Variants in RBM6 observed in about 807,000 individuals in gnomAD.
The protein encoded by RBM6 is RNA binding motif protein 6.
A neutral mutation model predicts 140.4 loss-of-function variants in RBM6; 23 were observed. The observed-to-expected ratio is 0.16, with a 90% CI of 0.12 to 0.23. The LOEUF is 0.23. Among genes scored for constraint, RBM6 ranks in the 10% least tolerant of loss-of-function variants. The pLI, the probability that RBM6 is intolerant of heterozygous loss-of-function variation, is 1.00. For missense variants in RBM6, 1,139 were observed against 1,386.7 expected (o/e 0.82, Z 2.84); for synonymous variants, 439 against 475.6 (o/e 0.92, Z 1.00).
rs181953143 is a variant in RBM6, at chr3:50,036,635, A to G, written c.1558-11610A>G. The stretch of plus-strand genomic sequence containing the variant: ...CTAATTTAACCATAGCATGTCTTCA[A>G]TGTTAGAAGCCAGCCCTCATTTTTA... On this transcript the variant is annotated intron_variant, in intron 6 of 20. Transcript: ENST00000266022. Among the ~76,000 whole-genome samples the G allele has an allele frequency of 1.7e-4, 26 of 152,302 alleles. 1 individual carries two copies. The highest frequency in any genetic ancestry group is 6.2e-4 in the South Asian group (3 of 4,828).
intron 8 of RBM6, among the ~76,000 whole-genome samples, chr3:50,056,838 T>A (rs12486470): frequency 0.07 from 10,637 of 152,218 alleles, 389 homozygotes; most frequent in Non-Finnish European, 0.077. Flanking sequence ...AATAAATCAT[T>A]TATATTTTGA....
chr3:50,059,188 G>T (rs1482266018), intron 10 of RBM6, among the ~76,000 whole-genome samples: 1 of 152,056 alleles, frequency 6.6e-6, no homozygotes, highest in East Asian at 1.9e-4. Context: ...AGCCACAGAT[G>T]GTTTTATATT....
At chr3:49,999,278 C>A (rs2086218675) in intron 5 of RBM6, among the ~76,000 whole-genome samples, 162 bp from the exon 6 acceptor site, 1 of 151,924 alleles carries the variant, frequency 6.6e-6, no homozygotes, top group Non-Finnish European at 1.5e-5. Flanking sequence ...TTCTTCAATA[C>A]TTTTTTCTAT....
intron 1 of RBM6, among the ~76,000 whole-genome samples, chr3:49,945,487 AC>A (rs1364375156): frequency 1.3e-5 from 2 of 152,054 alleles, no homozygotes; most frequent in Non-Finnish European, 2.9e-5. Flanking sequence ...TTTGTTATAG[AC>A]TGAATTGTGT....
intron 7 of RBM6, among the ~76,000 whole-genome samples, chr3:50,048,595 C>T (rs2089323553): frequency 6.6e-6 from 1 of 152,114 alleles, no homozygotes; most frequent in African/African-American, 2.4e-5. Flanking sequence ...ATAACAGTTC[C>T]TTGACATATA....
chr3:50,024,240 A>G (rs1400477139), intron 6 of RBM6, among the ~76,000 whole-genome samples: 1 of 152,206 alleles, frequency 6.6e-6, no homozygotes, highest in Non-Finnish European at 1.5e-5. Context: ...TGGAAAGAAC[A>G]GTCCTTCTAA....
chr3:49,990,781 A>G (rs1269409812), intron 5 of RBM6, among the ~76,000 whole-genome samples: 1 of 152,202 alleles, frequency 6.6e-6, no homozygotes, highest in Non-Finnish European at 1.5e-5. Flanking sequence ...AGTGGGGGGA[A>G]AAACAAGCCC....
At position 50,075,292 on chromosome 3, in the gene RBM6, C is replaced by T; in HGVS notation, c.3208C>T (p.Leu1070=). 1.2e-6 allele frequency: 2 copies of T among 1,614,084 alleles called. No homozygotes were observed. The highest frequency in any genetic ancestry group is 1.7e-6 in the Non-Finnish European group (2 of 1,179,994). Residue 1070 remains leucine (L), a synonymous_variant, in exon 20 of 21, where the codon CTG becomes TTG. Coordinates refer to ENST00000266022, the MANE Select transcript of RBM6 (RefSeq NM_005777.3). ...TACTGGCTGGAGGAAAGGGACAGGC[C>T]TGGGATATGGCCATCCTGGATTGGC... ...QATGWRKGTG[L]GYGHPGLASS... is the part of the protein sequence containing the mutation.
At chr3:50,046,016 C>T (rs746315072) in intron 6 of RBM6, among the ~76,000 whole-genome samples, 4 of 152,166 alleles carry the variant, frequency 2.6e-5, no homozygotes, top group Non-Finnish European at 5.9e-5. Flanking sequence ...GACACAGTGG[C>T]TCACGTCTGT....
chr3:49,942,128 T>C (rs974483341), intron 1 of RBM6, among the ~76,000 whole-genome samples: 2 of 150,412 alleles, frequency 1.3e-5, no homozygotes, highest in Non-Finnish European at 3.0e-5. Context: ...AAATAAATTG[T>C]GGTAAATATA....
chr3:49,956,963 C>A (rs1027870035), intron 1 of RBM6, among the ~76,000 whole-genome samples: 4 of 152,152 alleles, frequency 2.6e-5, no homozygotes, highest in Admixed American at 6.6e-5. Context: ...CCAGGCCTGG[C>A]CTGCTTTTTT....
intron 6 of RBM6, among the ~76,000 whole-genome samples, chr3:50,004,197 T>C (rs567006383): frequency 2.0e-5 from 3 of 152,226 alleles, no homozygotes; most frequent in African/African-American, 7.2e-5. Context: ...AGTGCCCTTA[T>C]AGAAGATAAC....
At chr3:50,007,387 A>G (rs1173636380) in intron 6 of RBM6, among the ~76,000 whole-genome samples, 3 of 151,526 alleles carry the variant, frequency 2.0e-5, no homozygotes, top group Admixed American at 6.6e-5. Context: ...GGGTTTTGCC[A>G]TATTGCCCAG....
chr3:50,015,977 A>T (rs528335860), intron 6 of RBM6, among the ~76,000 whole-genome samples: 2 of 152,332 alleles, frequency 1.3e-5, no homozygotes, highest in South Asian at 4.1e-4. Context: ...TGAAATAGAT[A>T]CAATACATTG....
chr3:49,968,858 C>T, intron 3 of RBM6, 110 bp downstream of exon 3: 1 of 1,278,276 alleles, frequency 7.8e-7, no homozygotes, highest in Non-Finnish European at 1.0e-6. Flanking sequence ...TCTGCTCATG[C>T]AAGCTCCGCC....
In RBM6 at chr3:49,967,746, C is replaced by A; in HGVS notation, c.321C>A (p.Ser107Arg). The A allele has an allele frequency of 6.2e-7, 1 of 1,614,054 alleles. No homozygotes were observed. Among genetic ancestry groups the A allele is most frequent in the Non-Finnish European group, 8.5e-7 (1 of 1,180,028 alleles). ...ATTTTTCGTCTTCTGATTTCCAGAG[C>A]AGAGATTCATCACAGTTGGACTTCA... The part of the protein sequence containing the change: ...GGDFSSSDFQ[S>R]RDSSQLDFRG... Residue 107 changes from serine (S) to arginine (R), a missense_variant, in exon 3 of 21, where the codon AGC becomes AGA. By Grantham distance (110) the Ser-to-Arg change is moderately radical. Coordinates refer to ENST00000266022, the MANE Select transcript of RBM6 (RefSeq NM_005777.3). This position sits in a 1 kb window ranked among gnomAD's most constrained non-coding sequence, Gnocchi z 4.0.
chr3:50,031,502 G>T (rs372397456), intron 6 of RBM6, among the ~76,000 whole-genome samples: 1 of 150,398 alleles, frequency 6.6e-6, no homozygotes, highest in African/African-American at 2.4e-5. Context: ...GACACCACAT[G>T]TTCTCACTTA....
At position 50,048,002 on chromosome 3, in the gene RBM6, C is replaced by T. The variant is rs145980711; in HGVS notation, c.1558-243C>T. Among the ~76,000 whole-genome samples, 1,087 of 152,298 alleles carry T rather than the reference C, an allele frequency of 7.1e-3. 15 individuals are homozygous for T. The highest frequency in any genetic ancestry group is 0.025 in the African/African-American group (1,036 of 41,554). Reference sequence around the variant, plus strand: ...GCCTGCCCAAGGACAGCACCCTAACCTGCAGGAACCAAGGCCGAAGACTGA... The same window carrying T: ...GCCTGCCCAAGGACAGCACCCTAACTTGCAGGAACCAAGGCCGAAGACTGA... On this transcript the variant is annotated intron_variant, in intron 6 of 20. Transcript: ENST00000266022.
Position 49,968,444 on chromosome 3 carries a change from GAGA to G in RBM6, c.1022_1024del (p.Glu341del), listed in dbSNP as rs1326521341. 3 of 1,614,066 alleles carry G rather than the reference GAGA, an allele frequency of 1.9e-6. No homozygotes were observed. The highest frequency in any genetic ancestry group is 2.5e-6 in the Non-Finnish European group (3 of 1,180,048). On this transcript the variant is annotated inframe_deletion, in exon 3 of 21. Transcript: ENST00000266022. Reference sequence around the variant, plus strand: ...GGAGAATTTGAGCATTCAGAAACAAGAGAAGGAGAAACACAAGGTGTAGCCTTT... The same window carrying G: ...GGAGAATTTGAGCATTCAGAAACAAGAGGAGAAACACAAGGTGTAGCCTTT...
Sources: gnomAD v4.1 joint callset for allele counts (sites outside exome capture counted in the v4.1 genomes callset) on GRCh38, gnomAD v4.1.1 for gene constraint, Gnocchi (gnomAD v3.1) non-coding constraint, MANE v1.5 for transcripts, NCBI Gene and HGNC (gene_info 2026-07-23, HGNC 2026-07-21) for gene names.